The following CALHM5 variants were observed in gnomAD, a reference collection of about 807,000 sequenced individuals.
CALHM5 encodes calcium homeostasis modulator protein 5.
CALHM5 carries 17 observed loss-of-function variants against 20.9 expected under a neutral mutation model. That is an observed-to-expected ratio of 0.82 (90% CI 0.56 to 1.22). CALHM5 has a LOEUF of 1.22. Among genes scored for constraint, CALHM5 ranks in the 50% most tolerant of loss-of-function variants. The pLI is 0.00. For synonymous variants in CALHM5, 148 were observed against 140.0 expected, an observed-to-expected ratio of 1.06 and a Z score of -0.40; for missense variants, 360 against 364.6, an observed-to-expected ratio of 0.99 and a Z score of 0.10.
In CALHM5 at chr6:116,519,845, C is replaced by A. The variant is rs974646920; in HGVS notation, c.*3856C>A. ...ATTGTGTACACATATATATATGATT[C>A]TTTTGTTTTTCCTGTGCAGTTCCTT... On this transcript the variant is annotated 3_prime_UTR_variant, in exon 2 of 2. Coordinates refer to ENST00000368599, the MANE Select transcript of CALHM5 (RefSeq NM_153711.5). 6 of 152,098 alleles carry A rather than the reference C, an allele frequency of 3.9e-5. No homozygotes were observed. The highest frequency in any genetic ancestry group is 7.4e-5 in the Non-Finnish European group (5 of 68,010). 9.4% of individuals were successfully genotyped at this position (152,098 alleles called of 1,614,324 possible). A position where few individuals can be genotyped will look rare whatever the true frequency, so the allele number is the denominator to read the frequency against.
In CALHM5 at chr6:116,516,638, T is replaced by G. The variant is rs1489482278; in HGVS notation, c.*649T>G. The G allele has an allele frequency of 7.0e-6, 1 of 143,880 alleles. No homozygotes were observed. The highest frequency in any genetic ancestry group is 1.5e-5 in the Non-Finnish European group (1 of 66,678). 8.9% of individuals were successfully genotyped at this position (143,880 alleles called of 1,614,324 possible). On this transcript the variant is annotated 3_prime_UTR_variant, in exon 2 of 2. Transcript: ENST00000368599. ...ACTTTTGCCTTTGCGAACCATTTCC[T>G]ACATTCAAAATAGTAGTAACAAATA...
At position 116,512,218 on chromosome 6, in the gene CALHM5, C is replaced by G. The variant is rs1363775004; in HGVS notation, c.522C>G (p.Ser174=). 2.5e-6 allele frequency: 4 copies of G among 1,599,418 alleles called. No homozygotes were observed. Among genetic ancestry groups the G allele is most frequent in the Non-Finnish European group, 3.4e-6 (4 of 1,176,680 alleles). The part of the protein sequence containing the change: ...LPTVNEELKL[S]LQAQSQILGW... ...CCGTCAATGAAGAACTGAAACTCTC[C>G]CTTCAGGCCCAGTCTCAGGTAAGAA... is the stretch of plus-strand genomic sequence containing the variant. Residue 174 remains serine (S), a synonymous_variant, in exon 1 of 2, where the codon TCC becomes TCG. Coordinates refer to ENST00000368599, the MANE Select transcript of CALHM5 (RefSeq NM_153711.5).
In CALHM5 at chr6:116,516,687, A is replaced by G. The variant is rs1487015196; in HGVS notation, c.*698A>G. On this transcript the variant is annotated 3_prime_UTR_variant, in exon 2 of 2. Transcript: ENST00000368599. Reference sequence around the variant, plus strand: ...TATATATATATATATATATATATATATATATATATATATATATATATACAC... The same window carrying G: ...TATATATATATATATATATATATATGTATATATATATATATATATATACAC... The G allele has an allele frequency of 7.3e-5, 5 of 68,194 alleles. No homozygotes were observed. In the East Asian group the frequency reaches 4.1e-3, roughly 55 times the overall value. 4.2% of individuals were successfully genotyped at this position (68,194 alleles called of 1,614,324 possible).
At position 116,516,574 on chromosome 6, in the gene CALHM5, G is replaced by A. The variant is rs1772228255; in HGVS notation, c.*585G>A. ...CACTGTATACTGAAAATACTCCCCT[G>A]GAAGCAGGGCTGCATCATAATTTTT... On this transcript the variant is annotated 3_prime_UTR_variant, in exon 2 of 2. Coordinates refer to ENST00000368599, the MANE Select transcript of CALHM5 (RefSeq NM_153711.5). The A allele has an allele frequency of 6.6e-6, 1 of 150,762 alleles. No homozygotes were observed. The highest frequency in any genetic ancestry group is 2.4e-5 in the African/African-American group (1 of 40,880). The allele number at this position is 150,762 out of a possible 1,614,324, so 9.3% of individuals were successfully genotyped here.
In CALHM5 at chr6:116,518,252, T is replaced by G. The variant is rs2753105; in HGVS notation, c.*2263T>G. The G allele has an allele frequency of 0.029, 4,460 of 152,224 alleles. 85 individuals carry two copies. Among genetic ancestry groups the G allele is most frequent in the Middle Eastern group, 0.096 (28 of 292 alleles). 9.4% of individuals were successfully genotyped at this position (152,224 alleles called of 1,614,324 possible). A position where few individuals can be genotyped will look rare whatever the true frequency, so the allele number is the denominator to read the frequency against. ...GGGGAGATCTTATGGGACTGAGCTC[T>G]TAACCTGCTGGGGATCTGCACTTAA... On this transcript the variant is annotated 3_prime_UTR_variant, in exon 2 of 2. Transcript: ENST00000368599.
chr6:116,514,420 ATAT>A (rs1167460355), intron 1 of CALHM5, among the ~76,000 whole-genome samples: 6 of 152,320 alleles, frequency 3.9e-5, no homozygotes, highest in Non-Finnish European at 7.3e-5. Context: ...GTACAGAAAG[ATAT>A]TATGAGTTCA....
rs1027815334 is a variant in CALHM5, at chr6:116,520,082, T to G, written c.*4093T>G. 6.6e-6 allele frequency: 1 copy of G among 152,180 alleles called. No individual in the cohort carries two copies. The highest frequency in any genetic ancestry group is 1.5e-5 in the Non-Finnish European group (1 of 68,024). The allele number at this position is 152,180 out of a possible 1,614,324, so 9.4% of individuals were successfully genotyped here. On this transcript the variant is annotated 3_prime_UTR_variant, in exon 2 of 2. Transcript: ENST00000368599. ...GCAACTTTTAAAATTTTTGTATGGT[T>G]TTCTACTTGAGACCTTTAAAGCATC... is the stretch of plus-strand genomic sequence containing the variant.
chr6:116,512,173 C>G lies in CALHM5; in HGVS notation c.477C>G (p.Gly159=), dbSNP rs1772135767. The G allele has an allele frequency of 3.1e-6, 5 of 1,611,580 alleles. No homozygotes were observed. The highest frequency in any genetic ancestry group is 1.1e-5 in the South Asian group (1 of 91,090). Reference sequence around the variant, plus strand: ...AAGAACTTCACAAAGTATCTTGTGGCAAAACTAGCATGCTACCTACCGTCA... The same window carrying G: ...AAGAACTTCACAAAGTATCTTGTGGGAAAACTAGCATGCTACCTACCGTCA... ...CWEELHKVSC[G]KTSMLPTVNE... The change falls in exon 1 of 2, where the codon GGC becomes GGG. Residue 159 remains glycine, a synonymous_variant. Coordinates refer to ENST00000368599, the MANE Select transcript of CALHM5 (RefSeq NM_153711.5).
At chr6:116,513,735 A>G (rs1044882353) in intron 1 of CALHM5, among the ~76,000 whole-genome samples, 7 of 152,210 alleles carry the variant, frequency 4.6e-5, no homozygotes, top group African/African-American at 1.4e-4. Flanking sequence ...ATAGGTGTAC[A>G]TGTGCCTGGA....
chr6:116,512,814 T>G (rs986878757), intron 1 of CALHM5, among the ~76,000 whole-genome samples: 3 of 152,202 alleles, frequency 2.0e-5, no homozygotes, highest in Non-Finnish European at 2.9e-5. Flanking sequence ...GAATCAGCAG[T>G]TTTTAAATAG....
chr6:116,520,906 C>A lies in CALHM5; in HGVS notation c.*4917C>A, dbSNP rs1279668641. The A allele has an allele frequency of 6.6e-6, 1 of 151,658 alleles. No individual in the cohort carries two copies. Among genetic ancestry groups the A allele is most frequent in the Admixed American group, 6.6e-5 (1 of 15,210 alleles). 9.4% of individuals were successfully genotyped at this position (151,658 alleles called of 1,614,324 possible). On this transcript the variant is annotated 3_prime_UTR_variant, in exon 2 of 2. Coordinates refer to ENST00000368599, the MANE Select transcript of CALHM5 (RefSeq NM_153711.5). ...CTGGGATGAACTTTCAGAAGTTTTA[C>A]AGTGAGCATTTTTTTTTTTATGAAT...
At chr6:116,514,170 G>A (rs1484478457) in intron 1 of CALHM5, among the ~76,000 whole-genome samples, 1 of 152,196 alleles carries the variant, frequency 6.6e-6, no homozygotes, top group East Asian at 1.9e-4. Flanking sequence ...TGAATTGAGG[G>A]AAAGCATCGG....
rs527554609 is a variant in CALHM5, at chr6:116,520,646, T to C, written c.*4657T>C. The C allele has an allele frequency of 2.6e-5, 4 of 152,326 alleles. No homozygotes were observed. The highest frequency in any genetic ancestry group is 2.1e-4 in the South Asian group (1 of 4,826). 9.4% of individuals were successfully genotyped at this position (152,326 alleles called of 1,614,324 possible). On this transcript the variant is annotated 3_prime_UTR_variant, in exon 2 of 2. Coordinates refer to ENST00000368599, the MANE Select transcript of CALHM5 (RefSeq NM_153711.5). Reference sequence around the variant, plus strand: ...ACTTTTCTGGGTTAGGGCCTGAACATTGAGATTTCTTTTAAAAGCTTTCTA... The same window carrying C: ...ACTTTTCTGGGTTAGGGCCTGAACACTGAGATTTCTTTTAAAAGCTTTCTA...
chr6:116,512,011 G>A lies in CALHM5; in HGVS notation c.315G>A (p.Leu105=). 2 of 1,614,006 alleles carry A rather than the reference G, an allele frequency of 1.2e-6. No individual in the cohort carries two copies. The highest frequency in any genetic ancestry group is 1.7e-6 in the Non-Finnish European group (2 of 1,179,972). Residue 105 remains leucine (L), a synonymous_variant, in exon 1 of 2, where the codon CTG becomes CTA. Coordinates refer to ENST00000368599, the MANE Select transcript of CALHM5 (RefSeq NM_153711.5). The part of the protein sequence containing the change: ...RFFYVLGQIT[L]SSLVAPVMWL... ...TCTACGTCCTCGGCCAGATCACTCTGAGCTCATTGGTGGCTCCAGTGATGT... is the reference window on the plus strand; with the variant it reads ...TCTACGTCCTCGGCCAGATCACTCTAAGCTCATTGGTGGCTCCAGTGATGT...
rs1292786206 is a variant in CALHM5, at chr6:116,517,363, T to G, written c.*1374T>G. ...ATAATGCAAATCTTGCATTCTACAA[T>G]GTACTATATCCATGTTAGTATGTAC... is the stretch of plus-strand genomic sequence containing the variant. On this transcript the variant is annotated 3_prime_UTR_variant, in exon 2 of 2. Coordinates refer to ENST00000368599, the MANE Select transcript of CALHM5 (RefSeq NM_153711.5). The G allele has an allele frequency of 2.6e-5, 4 of 152,190 alleles. No individual in the cohort carries two copies. Among genetic ancestry groups the G allele is most frequent in the African/African-American group, 9.7e-5 (4 of 41,436 alleles). 9.4% of individuals were successfully genotyped at this position (152,190 alleles called of 1,614,324 possible).
rs1267497142 is a variant in CALHM5 at position 116,512,195 on chromosome 6, G to A, written c.499G>A (p.Val167Ile). The A allele has an allele frequency of 2.5e-6, 4 of 1,607,556 alleles. No individual in the cohort carries two copies. The highest frequency in any genetic ancestry group is 2.2e-5 in the East Asian group (1 of 44,868). ...SCGKTSMLPT[V>I]NEELKLSLQA... ...TGGCAAAACTAGCATGCTACCTACC[G>A]TCAATGAAGAACTGAAACTCTCCCT... The change falls in exon 1 of 2, where the codon GTC becomes ATC. Residue 167 changes from valine (V) to isoleucine (I), a missense_variant. Val to Ile is a conservative substitution (Grantham distance 29). Coordinates refer to ENST00000368599, the MANE Select transcript of CALHM5 (RefSeq NM_153711.5).
In CALHM5 at chr6:116,512,440, T is replaced by A. The variant is rs1188050703; in HGVS notation, c.540+204T>A. 3.2e-5 allele frequency: 18 copies of A among 560,268 alleles called. No individual in the cohort carries two copies. In the East Asian group the frequency reaches 5.2e-4, roughly 16 times the overall value. The allele number at this position is 560,268 out of a possible 1,614,324, so 34.7% of individuals were successfully genotyped here. A position where few individuals can be genotyped will look rare whatever the true frequency, so the allele number is the denominator to read the frequency against. On this transcript the variant is annotated intron_variant, in intron 1 of 1. Transcript: ENST00000368599. ...ATAAAGTTGCTGACTGGATTATCTC[T>A]TTTCCGGTTCTGAAAAGAAAATATC...
In CALHM5 at chr6:116,515,848, G is replaced by A; in HGVS notation, c.789G>A (p.Glu263=). Residue 263 remains glutamate (E), a synonymous_variant, in exon 2 of 2, where the codon GAG becomes GAA. Coordinates refer to ENST00000368599, the MANE Select transcript of CALHM5 (RefSeq NM_153711.5). ...PFPMPTFAAW[E]AASELHSFHQ... Reference sequence around the variant, plus strand: ...CCATGCCTACGTTTGCTGCCTGGGAGGCTGCTTCAGAGCTGCATTCTTTCC... The same window carrying A: ...CCATGCCTACGTTTGCTGCCTGGGAAGCTGCTTCAGAGCTGCATTCTTTCC... 1 of 1,613,958 alleles carries A rather than the reference G, an allele frequency of 6.2e-7. No individual in the cohort carries two copies. Among genetic ancestry groups the A allele is most frequent in the African/African-American group, 1.3e-5 (1 of 74,998 alleles).
At chr6:116,515,453 A>AT in intron 1 of CALHM5, 147 bp from the exon 2 acceptor site, 1 of 904,604 alleles carries the variant, frequency 1.1e-6, no homozygotes, top group Admixed American at 2.7e-5. Context: ...AAGTGAGTTT[A>AT]AAGTGTTTAA....
Sources: gnomAD v4.1 joint callset for allele counts (sites outside exome capture counted in the v4.1 genomes callset) on GRCh38, gnomAD v4.1.1 for gene constraint, MANE v1.5 for transcripts, NCBI Gene and HGNC (gene_info 2026-07-23, HGNC 2026-07-21) for gene names.